The following PTPRG variants were observed in gnomAD, a reference collection of about 807,000 sequenced individuals.
The protein encoded by PTPRG is protein tyrosine phosphatase receptor type G, also known as receptor-type tyrosine-protein phosphatase gamma.
A neutral mutation model predicts 165.3 loss-of-function variants in PTPRG; 102 were observed. That is an observed-to-expected ratio of 0.62 (90% CI 0.53 to 0.73). PTPRG has a LOEUF of 0.73. PTPRG is among the 30% of genes least tolerant of loss of function. The pLI, the probability that PTPRG is intolerant of heterozygous loss-of-function variation, is 0.00. For synonymous variants in PTPRG, 675 were observed against 669.5 expected (o/e 1.01, Z -0.13); for missense variants, 1,866 against 1,861.4 (o/e 1.00, Z -0.05).
chr3:62,279,171 A>G (rs890169812), intron 26 of PTPRG, among the ~76,000 whole-genome samples: 3 of 152,036 alleles, frequency 2.0e-5, no homozygotes, highest in African/African-American at 7.2e-5. Flanking sequence ...TATTACTGCT[A>G]TACCTTTACC....
intron 1 of PTPRG, among the ~76,000 whole-genome samples, chr3:61,670,924 C>A (rs114900732): frequency 6.6e-6 from 1 of 152,092 alleles, no homozygotes; most frequent in Non-Finnish European, 1.5e-5. Flanking sequence ...GGGAGTGTGA[C>A]GTAGAGACAC....
rs1701688382 is a variant in PTPRG at position 61,628,850 on chromosome 3, G to A, written c.85+66478G>A. ...ACCCCTATTTTGCAAGGAAGGAAAG[G>A]AAACTGAGCTTGAGTAACTTGATCA... On this transcript the variant is annotated intron_variant, in intron 1 of 29. Coordinates refer to ENST00000474889, the MANE Select transcript of PTPRG (RefSeq NM_002841.4). Among the ~76,000 whole-genome samples the A allele has an allele frequency of 3.3e-5, 5 of 152,132 alleles. 1 individual carries two copies. The South Asian group carries it at 1.0e-3, about 31-fold the overall frequency.
rs1240229515 is a variant in PTPRG at position 62,273,236 on chromosome 3, G to A, written c.3318+155G>A. Among the ~76,000 whole-genome samples, 4 of 152,076 alleles carry A rather than the reference G, an allele frequency of 2.6e-5. No homozygotes were observed. Among genetic ancestry groups the A allele is most frequent in the East Asian group, 1.9e-4 (1 of 5,178 alleles). ...TATTCTGACAATGATCCTATTCTACGGATCACAGTTTTCCATTTCTGTATG... is the reference window on the plus strand; with the variant it reads ...TATTCTGACAATGATCCTATTCTACAGATCACAGTTTTCCATTTCTGTATG... On this transcript the variant is annotated intron_variant, in intron 22 of 29. Transcript: ENST00000474889. The surrounding 1 kb of genome is among the most constrained non-coding windows in gnomAD (Gnocchi z 4.1).
chr3:62,135,969 T>C lies in PTPRG; in HGVS notation c.682+3301T>C, dbSNP rs116213261. ...GAGCGTCCCAGCAAGAATAGCCTGA[T>C]TGTAGACGCTGGGCAGATCCTGGAG... On this transcript the variant is annotated intron_variant, in intron 6 of 29. Coordinates refer to ENST00000474889, the MANE Select transcript of PTPRG (RefSeq NM_002841.4). 2.6e-3 allele frequency among the ~76,000 whole-genome samples: 399 copies of C among 152,266 alleles called. 1 individual carries two copies. Among genetic ancestry groups the C allele is most frequent in the African/African-American group, 8.9e-3 (368 of 41,570 alleles).
chr3:62,181,175 G>A (rs1705631241), intron 8 of PTPRG, among the ~76,000 whole-genome samples: 1 of 152,210 alleles, frequency 6.6e-6, no homozygotes, highest in Middle Eastern at 3.2e-3. Context: ...GAAAGCAGTT[G>A]TCCTAGCACT....
chr3:61,931,005 G>C (rs1247494706), intron 2 of PTPRG, among the ~76,000 whole-genome samples: 2 of 152,232 alleles, frequency 1.3e-5, no homozygotes, highest in Non-Finnish European at 2.9e-5. Flanking sequence ...AGGTTGCAGT[G>C]AGCTGAGATC....
intron 1 of PTPRG, among the ~76,000 whole-genome samples, chr3:61,706,930 T>C: frequency 6.6e-6 from 1 of 152,356 alleles, no homozygotes; most frequent in African/African-American, 2.4e-5. Context: ...GCTGTGAATT[T>C]TATACATTTA....
At chr3:61,778,521 C>T (rs1320819186) in intron 2 of PTPRG, among the ~76,000 whole-genome samples, 3 of 151,930 alleles carry the variant, frequency 2.0e-5, no homozygotes, top group South Asian at 2.1e-4. Context: ...TACTTAGGCC[C>T]GGAACGTTGG....
Position 62,219,444 on chromosome 3 carries a change from G to A in PTPRG, c.2288+461G>A, listed in dbSNP as rs1317183390. On this transcript the variant is annotated intron_variant, in intron 13 of 29. Coordinates refer to ENST00000474889, the MANE Select transcript of PTPRG (RefSeq NM_002841.4). The surrounding 1 kb of genome is among the most constrained non-coding windows in gnomAD (Gnocchi z 4.5). ...TCTTTCACTGAAAATTAAATTGGGTGATAGGAAAACATTTAGCATATTATG... is the reference window on the plus strand; with the variant it reads ...TCTTTCACTGAAAATTAAATTGGGTAATAGGAAAACATTTAGCATATTATG... Among the ~76,000 whole-genome samples the A allele has an allele frequency of 6.6e-6, 1 of 152,198 alleles. No individual in the cohort carries two copies. The highest frequency in any genetic ancestry group is 1.5e-5 in the Non-Finnish European group (1 of 68,042).
intron 5 of PTPRG, among the ~76,000 whole-genome samples, chr3:62,110,938 AT>A (rs1702648115): frequency 6.6e-6 from 1 of 152,214 alleles, no homozygotes; most frequent in Non-Finnish European, 1.5e-5. Flanking sequence ...GGCTGTATAA[AT>A]TACTGGAAGC....
chr3:61,827,633 C>G (rs1559634768), intron 2 of PTPRG, among the ~76,000 whole-genome samples: 1 of 151,992 alleles, frequency 6.6e-6, no homozygotes, highest in African/African-American at 2.4e-5. Context: ...TCTATATTTT[C>G]ATATTTATCT....
intron 2 of PTPRG, among the ~76,000 whole-genome samples, chr3:61,975,877 C>T (rs1034947689): frequency 1.3e-4 from 20 of 152,128 alleles, no homozygotes; most frequent in Non-Finnish European, 2.5e-4. Context: ...GCCATTTTTA[C>T]GTTTTCACTG....
intron 16 of PTPRG, among the ~76,000 whole-genome samples, chr3:62,259,765 C>G (rs1318601543): frequency 1.3e-5 from 2 of 152,086 alleles, no homozygotes; most frequent in Admixed American, 6.6e-5. Context: ...GGGGCAAATG[C>G]AGTCATTTTG....
intron 1 of PTPRG, among the ~76,000 whole-genome samples, chr3:61,701,977 C>T (rs764494544): frequency 5.3e-5 from 8 of 152,020 alleles, no homozygotes; most frequent in Non-Finnish European, 1.2e-4. Flanking sequence ...AGCCTGTGTG[C>T]TTTCTTTTCT....
rs1319739175 is a variant in PTPRG at position 62,230,391 on chromosome 3, C to CA, written c.2289-827dup. On this transcript the variant is annotated intron_variant, in intron 13 of 29. Transcript: ENST00000474889. ...TCTTTGTGGGACTCAACAGAACTTC[C>CA]AAAAAAAGAGAACTTCCATATATCT... Among the ~76,000 whole-genome samples, 10 of 151,904 alleles carry CA rather than the reference C, an allele frequency of 6.6e-5. No individual in the cohort carries two copies. In the East Asian group the frequency reaches 1.9e-3, roughly 29 times the overall value.
chr3:61,647,791 CAAAAAA>C (rs58020589), intron 1 of PTPRG, among the ~76,000 whole-genome samples: 79 of 93,154 alleles, frequency 8.5e-4, no homozygotes, highest in Middle Eastern at 7.0e-3. Flanking sequence ...GACTCCGTCT[CAAAAAA>C]AAAAAAAAAA....
chr3:61,737,752 G>A (rs2032773072), intron 1 of PTPRG, among the ~76,000 whole-genome samples: 1 of 151,978 alleles, frequency 6.6e-6, no homozygotes, highest in African/African-American at 2.4e-5. Flanking sequence ...CCTAGGGCTT[G>A]TGCATTCAGG....
chr3:62,052,205 C>T (rs1559768467), intron 4 of PTPRG, among the ~76,000 whole-genome samples: 1 of 152,198 alleles, frequency 6.6e-6, no homozygotes, highest in Non-Finnish European at 1.5e-5. Context: ...TAGCACGATA[C>T]TTTAAAATGA....
At chr3:61,879,991 C>A (rs1351789089) in intron 2 of PTPRG, among the ~76,000 whole-genome samples, 1 of 152,214 alleles carries the variant, frequency 6.6e-6, no homozygotes, top group South Asian at 2.1e-4. Flanking sequence ...GAAGTATTCA[C>A]TTCAAAAATG....
Sources: gnomAD v4.1 joint callset for allele counts (sites outside exome capture counted in the v4.1 genomes callset) on GRCh38, gnomAD v4.1.1 for gene constraint, Gnocchi (gnomAD v3.1) non-coding constraint, MANE v1.5 for transcripts, NCBI Gene and HGNC (gene_info 2026-07-23, HGNC 2026-07-21) for gene names.